Variants in TMPRSS3 observed in about 807,000 individuals in gnomAD.
TMPRSS3 encodes the protein transmembrane protease serine 3.
In TMPRSS3, 55 loss-of-function variants were observed where a neutral mutation model predicts 59.6. The observed-to-expected ratio is 0.92, with a 90% CI of 0.74 to 1.16. The LOEUF (loss-of-function observed/expected upper bound fraction) is 1.16. TMPRSS3 is among the 50% of genes most tolerant of loss of function. TMPRSS3 has a pLI of 0.00. For synonymous variants in TMPRSS3, 257 were observed against 237.7 expected, an observed-to-expected ratio of 1.08 and a Z score of -0.75; for missense variants, 596 against 579.4, an observed-to-expected ratio of 1.03 and a Z score of -0.29.
intron 12 of TMPRSS3, 61 bp from the exon 13 acceptor site, chr21:42,372,840 T>A (rs561273072): frequency 6.3e-7 from 1 of 1,596,184 alleles, no homozygotes; most frequent in African/African-American, 1.3e-5. Context: ...TCCAACATGA[T>A]GACGGAGCGG....
chr21:42,383,031 A>T lies in TMPRSS3; in HGVS notation c.782+2T>A. ...TCTGGGAAGATGGTCAGCAGCACTC[A>T]CTCATAAACACAGTGTGCAGCAGTG... On this transcript the variant is annotated splice_donor_variant, in intron 8 of 12. Transcript: ENST00000644384. LOFTEE classifies it high-confidence loss of function. The T allele has an allele frequency of 6.2e-7, 1 of 1,613,922 alleles. No homozygotes were observed. Among genetic ancestry groups the T allele is most frequent in the Non-Finnish European group, 8.5e-7 (1 of 1,180,006 alleles).
chr21:42,374,076 C>A (rs1888520), intron 12 of TMPRSS3, among the ~76,000 whole-genome samples: 1 of 152,030 alleles, frequency 6.6e-6, no homozygotes, highest in Non-Finnish European at 1.5e-5. Context: ...TGTGCCCACG[C>A]GACCCTTCTG....
intron 5 of TMPRSS3, among the ~76,000 whole-genome samples, chr21:42,386,927 G>A (rs1255747227): frequency 1.3e-5 from 2 of 152,118 alleles, no homozygotes; most frequent in Admixed American, 6.6e-5. Flanking sequence ...CTGAAGCAAT[G>A]GATAGAGAAC....
At position 42,395,994 on chromosome 21, in the gene TMPRSS3, C is replaced by T. The variant is rs1601539398; in HGVS notation, c.-104G>A. On this transcript the variant is annotated 5_prime_UTR_variant, in exon 1 of 13. Transcript: ENST00000644384. ...TGGCACCACGGAAGAGATAGTAGGCCACAGTGTTACTGGCTTCCCATAAAC... is the reference window on the plus strand; with the variant it reads ...TGGCACCACGGAAGAGATAGTAGGCTACAGTGTTACTGGCTTCCCATAAAC... 1 of 518,870 alleles carries T rather than the reference C, an allele frequency of 1.9e-6. No individual in the cohort carries two copies. Among genetic ancestry groups the T allele is most frequent in the South Asian group, 1.4e-5 (1 of 71,590 alleles). 32.1% of individuals were successfully genotyped at this position (518,870 alleles called of 1,614,324 possible).
At chr21:42,381,703 T>C (rs1387255847) in intron 9 of TMPRSS3, among the ~76,000 whole-genome samples, 4 of 152,210 alleles carry the variant, frequency 2.6e-5, no homozygotes, top group African/African-American at 9.6e-5. Context: ...TTGTTGGAAC[T>C]ACAGCCCACC....
chr21:42,383,983 G>A lies in TMPRSS3; in HGVS notation c.603C>T (p.Thr201=), dbSNP rs1179556075. 6.2e-7 allele frequency: 1 copy of A among 1,614,082 alleles called. No individual in the cohort carries two copies. The highest frequency in any genetic ancestry group is 8.5e-7 in the Non-Finnish European group (1 of 1,180,006). The stretch of plus-strand genomic sequence containing the variant: ...TGGAACTCTTACCTGTGCACTGCAA[G>A]GTAACCACGTGGCCAGAGGCACATC... The part of the protein sequence containing the change: ...REGCASGHVV[T]LQCTACGHRR... The change falls in exon 7 of 13, where the codon ACC becomes ACT. Residue 201 remains threonine, a synonymous_variant. Coordinates refer to ENST00000644384, the MANE Select transcript of TMPRSS3 (RefSeq NM_001256317.3).
In TMPRSS3 at chr21:42,374,896, G is replaced by C. The variant is rs186480327; in HGVS notation, c.1344+820C>G. Among the ~76,000 whole-genome samples the C allele has an allele frequency of 1.2e-4, 19 of 152,114 alleles. No individual in the cohort carries two copies. The East Asian group carries it at 3.5e-3, about 28-fold the overall frequency. On this transcript the variant is annotated intron_variant, in intron 12 of 12. Transcript: ENST00000644384. ...TACATTGCAAGCAAGGACGTTGCTG[G>C]AGGGCCTGTGCGCACTGTTTCTCCT... is the stretch of plus-strand genomic sequence containing the variant.
chr21:42,382,332 G>C, intron 8 of TMPRSS3, 98 bp from the exon 9 acceptor site: 1 of 1,105,684 alleles, frequency 9.0e-7, no homozygotes, highest in Non-Finnish European at 1.3e-6. Flanking sequence ...TGGTGGGAGA[G>C]GTTATCAGGC....
rs1261397718 is a variant in TMPRSS3, at chr21:42,395,933, G to A, written c.-52+9C>T. On this transcript the variant is annotated intron_variant, in intron 1 of 12. Transcript: ENST00000644384. ...ACCTACCATAAGCATAAGTAGTTTC[G>A]GTACTCACATAATTCCCGAGTCCCA... The A allele has an allele frequency of 3.9e-6, 2 of 518,558 alleles. No individual in the cohort carries two copies. Among genetic ancestry groups the A allele is most frequent in the African/African-American group, 3.9e-5 (2 of 51,890 alleles). The allele number at this position is 518,558 out of a possible 1,614,324, so 32.1% of individuals were successfully genotyped here. A position where few individuals can be genotyped will look rare whatever the true frequency, so the allele number is the denominator to read the frequency against.
At chr21:42,384,716 A>G (rs752000432) in intron 6 of TMPRSS3, among the ~76,000 whole-genome samples, 5 of 152,192 alleles carry the variant, frequency 3.3e-5, no homozygotes, top group Non-Finnish European at 5.9e-5. Flanking sequence ...TCCCCGACGG[A>G]CAGACCAACA....
chr21:42,394,270 T>TA (rs950643598), intron 2 of TMPRSS3, among the ~76,000 whole-genome samples: 4 of 152,082 alleles, frequency 2.6e-5, no homozygotes, highest in African/African-American at 9.7e-5. Context: ...TAGGAACAAC[T>TA]ATAGGTCAAA....
intron 1 of TMPRSS3, 127 bp downstream of exon 1, chr21:42,395,815 G>A: frequency 1.2e-5 from 5 of 417,350 alleles, no homozygotes; most frequent in South Asian, 8.9e-5. Context: ...TTGTTCAGAA[G>A]ATAAATTACT....
intron 10 of TMPRSS3, among the ~76,000 whole-genome samples, chr21:42,377,079 C>T (rs2052444173): frequency 6.6e-6 from 1 of 152,354 alleles, no homozygotes; most frequent in East Asian, 1.9e-4. Flanking sequence ...ACTCACTCAG[C>T]GTCTTTGTGA....
intron 8 of TMPRSS3, chr21:42,382,625 A>C: frequency 2.6e-6 from 1 of 389,264 alleles, no homozygotes; most frequent in East Asian, 5.8e-5. Flanking sequence ...TAAACTCCTG[A>C]GATTTTAAGA....
intron 6 of TMPRSS3, 128 bp from the exon 7 acceptor site, chr21:42,384,141 A>G (rs1435553257): frequency 3.8e-6 from 3 of 783,472 alleles, no homozygotes; most frequent in Non-Finnish European, 5.9e-6. Flanking sequence ...ATAGATTACA[A>G]TTTTAGTCTA....
rs1356089776 is a variant in TMPRSS3, at chr21:42,389,025, T to C, written c.226A>G (p.Lys76Glu). 3 of 1,614,156 alleles carry C rather than the reference T, an allele frequency of 1.9e-6. No individual in the cohort carries two copies. The highest frequency in any genetic ancestry group is 2.5e-6 in the Non-Finnish European group (3 of 1,180,020). ...TTAAAGGATGAGCGACATCTGTACTTCCCTGAGCAGTCGAAGTGGACTGGG... is the reference window on the plus strand; with the variant it reads ...TTAAAGGATGAGCGACATCTGTACTCCCCTGAGCAGTCGAAGTGGACTGGG... The part of the protein sequence containing the change: ...GLGIHFDCSG[K>E]YRCRSSFKCI... Residue 76 changes from lysine (K) to glutamate (E), a missense_variant, in exon 4 of 13, where the codon AAG becomes GAG. Physicochemically the swap from Lys to Glu is moderately conservative, Grantham distance 56. Transcript: ENST00000644384.
At chr21:42,387,283 G>A (rs552406594) in intron 5 of TMPRSS3, among the ~76,000 whole-genome samples, 65 of 152,008 alleles carry the variant, frequency 4.3e-4, no homozygotes, top group African/African-American at 1.5e-3. Context: ...AGAAAAGGAG[G>A]CCCCCCAACA....
At position 42,383,160 on chromosome 21, in the gene TMPRSS3, C is replaced by G; in HGVS notation, c.655G>C (p.Gly219Arg). Reference sequence around the variant, plus strand: ...TGCGAGAGCAAGGACATGTTTCCACCCACGATGCGTGAGCTGTAGCCCCTT... The same window carrying G: ...TGCGAGAGCAAGGACATGTTTCCACGCACGATGCGTGAGCTGTAGCCCCTT... ...HRRGYSSRIV[G>R]GNMSLLSQWP... The change falls in exon 8 of 13, where the codon GGT becomes CGT. Residue 219 changes from glycine to arginine, a missense_variant. By Grantham distance (125) the Gly-to-Arg change is moderately radical. Coordinates refer to ENST00000644384, the MANE Select transcript of TMPRSS3 (RefSeq NM_001256317.3). 1 of 1,614,174 alleles carries G rather than the reference C, an allele frequency of 6.2e-7. No homozygotes were observed. The highest frequency in any genetic ancestry group is 8.5e-7 in the Non-Finnish European group (1 of 1,180,048).
At chr21:42,393,642 C>T (rs1239025176) in intron 2 of TMPRSS3, among the ~76,000 whole-genome samples, 1 of 152,082 alleles carries the variant, frequency 6.6e-6, no homozygotes, top group Non-Finnish European at 1.5e-5. Flanking sequence ...TATAGGAGGA[C>T]AAGATGATAT....
Sources: allele counts gnomAD v4.1 joint callset (sites outside exome capture counted in the v4.1 genomes callset), GRCh38; gene constraint gnomAD v4.1.1; transcripts MANE v1.5; gene names NCBI Gene and HGNC (gene_info 2026-07-23, HGNC 2026-07-21).